The following ADGRB3 variants were observed in gnomAD, a reference collection of about 807,000 sequenced individuals.
ADGRB3 encodes the protein brain-specific angiogenesis inhibitor 3.
A neutral mutation model predicts 193.4 loss-of-function variants in ADGRB3; 37 were observed. The observed-to-expected ratio is 0.19, with a 90% CI of 0.15 to 0.25. The LOEUF is 0.25. Ranked by LOEUF, ADGRB3 falls within the 10% of genes least tolerant of loss-of-function variation. The pLI is 1.00. For synonymous variants in ADGRB3, 690 were observed against 644.2 expected (o/e 1.07, Z -1.08); for missense variants, 1,637 against 1,852.9 (o/e 0.88, Z 2.14).
At chr6:68,921,068 TATCA>T (rs1484255162) in intron 3 of ADGRB3, among the ~76,000 whole-genome samples, 1 of 152,086 alleles carries the variant, frequency 6.6e-6, no homozygotes, top group Admixed American at 6.5e-5. Context: ...TGGCAATTCC[TATCA>T]ATCCAAAAAA....
intron 17 of ADGRB3, among the ~76,000 whole-genome samples, chr6:69,111,129 C>T (rs961093740): frequency 2.0e-5 from 3 of 152,140 alleles, no homozygotes; most frequent in Non-Finnish European, 4.4e-5. Context: ...CATTTAGGGA[C>T]CTTCCAAATA....
At chr6:69,058,112 A>C (rs903925062) in intron 15 of ADGRB3, among the ~76,000 whole-genome samples, 2 of 151,534 alleles carry the variant, frequency 1.3e-5, no homozygotes, top group Admixed American at 1.3e-4. Context: ...CAATCGCTTT[A>C]CTAGTTATGG....
In ADGRB3 at chr6:68,788,125, T is replaced by C. The variant is rs191589862; in HGVS notation, c.758-142434T>C. ...AACCAGCTCCTGGATTCATTAATTTTTTGAAGGGTTTTTTGTGTCTCTATT... is the reference window on the plus strand; with the variant it reads ...AACCAGCTCCTGGATTCATTAATTTCTTGAAGGGTTTTTTGTGTCTCTATT... On this transcript the variant is annotated intron_variant, in intron 3 of 31. Coordinates refer to ENST00000370598, the MANE Select transcript of ADGRB3 (RefSeq NM_001704.3). Among the ~76,000 whole-genome samples the C allele has an allele frequency of 2.5e-3, 386 of 152,354 alleles. 1 individual carries two copies. The highest frequency in any genetic ancestry group is 8.8e-3 in the African/African-American group (367 of 41,584).
At chr6:69,332,650 T>C in intron 23 of ADGRB3, 1 of 985,456 alleles carries the variant, frequency 1.0e-6, no homozygotes. Context: ...TATGGTACCA[T>C]TTAAAATTCA....
At chr6:69,030,956 TTTTTC>T (rs367785089) in intron 13 of ADGRB3, among the ~76,000 whole-genome samples, 3,204 of 72,368 alleles carry the variant, frequency 0.044, 534 homozygotes, top group South Asian at 0.091. Context: ...TTCTTTTCTT[TTTTTC>T]TTTTCTTTTC....
intron 17 of ADGRB3, among the ~76,000 whole-genome samples, chr6:69,202,030 T>C (rs1260214974): frequency 6.6e-6 from 1 of 152,168 alleles, no homozygotes; most frequent in Non-Finnish European, 1.5e-5. Flanking sequence ...TAGGACACCA[T>C]TCCTGCATGC....
chr6:69,067,918 A>C (rs1034260366), intron 16 of ADGRB3, among the ~76,000 whole-genome samples: 2 of 152,126 alleles, frequency 1.3e-5, no homozygotes, highest in African/African-American at 2.4e-5. Flanking sequence ...TGATTGTGCT[A>C]TTGTTGGAGC....
intron 3 of ADGRB3, among the ~76,000 whole-genome samples, chr6:68,904,741 A>T (rs1305354160): frequency 6.6e-6 from 1 of 152,090 alleles, no homozygotes; most frequent in Non-Finnish European, 1.5e-5. Context: ...GTTTCCATGG[A>T]GATGCTTCTA....
At chr6:68,730,670 A>G (rs1284395192) in intron 3 of ADGRB3, among the ~76,000 whole-genome samples, 1 of 151,696 alleles carries the variant, frequency 6.6e-6, no homozygotes, top group Non-Finnish European at 1.5e-5. Context: ...CAGCAGAATA[A>G]AAGGAAACCA....
intron 17 of ADGRB3, among the ~76,000 whole-genome samples, chr6:69,152,589 G>C (rs1030249391): frequency 1.3e-5 from 2 of 152,314 alleles, no homozygotes; most frequent in East Asian, 1.9e-4. Flanking sequence ...TCCCAAGTCA[G>C]TCATAAGGGT....
intron 17 of ADGRB3, among the ~76,000 whole-genome samples, chr6:69,216,395 C>A (rs1000658583): frequency 1.8e-4 from 28 of 152,108 alleles, no homozygotes; most frequent in Non-Finnish European, 2.9e-5. Context: ...CTTTTAACAC[C>A]TTGTTAAGGG....
At chr6:69,312,275 G>T (rs1327273954) in intron 20 of ADGRB3, among the ~76,000 whole-genome samples, 1 of 151,762 alleles carries the variant, frequency 6.6e-6, no homozygotes, top group Non-Finnish European at 1.5e-5. Context: ...CAAGGATGAT[G>T]TCCAAGTTCC....
At chr6:68,828,893 T>A (rs1376097941) in intron 3 of ADGRB3, among the ~76,000 whole-genome samples, 1 of 151,948 alleles carries the variant, frequency 6.6e-6, no homozygotes, top group African/African-American at 2.4e-5. Context: ...ATGACTGGAG[T>A]TTATGAGACA....
chr6:69,020,580 C>T (rs1041857310), intron 13 of ADGRB3, among the ~76,000 whole-genome samples: 1 of 152,002 alleles, frequency 6.6e-6, no homozygotes, highest in African/African-American at 2.4e-5. Context: ...TCGAATGCTG[C>T]AAATAAAGTC....
At chr6:68,962,401 A>G (rs1187341388) in intron 8 of ADGRB3, among the ~76,000 whole-genome samples, 1 of 152,170 alleles carries the variant, frequency 6.6e-6, no homozygotes, top group Non-Finnish European at 1.5e-5. Context: ...TGTATACCAG[A>G]TGCCCATTAT....
At chr6:69,126,137 A>C (rs1221563215) in intron 17 of ADGRB3, among the ~76,000 whole-genome samples, 1 of 152,208 alleles carries the variant, frequency 6.6e-6, no homozygotes, top group Non-Finnish European at 1.5e-5. Context: ...ATAGTATGGT[A>C]CATAATATCA....
chr6:69,022,685 T>C (rs1041262671), intron 13 of ADGRB3, among the ~76,000 whole-genome samples: 28 of 152,130 alleles, frequency 1.8e-4, no homozygotes, highest in African/African-American at 6.5e-4. Flanking sequence ...TAAAATATAC[T>C]CAAAGGATAA....
intron 13 of ADGRB3, among the ~76,000 whole-genome samples, chr6:69,028,395 C>A (rs543202820): frequency 6.6e-6 from 1 of 151,994 alleles, no homozygotes; most frequent in Admixed American, 6.6e-5. Context: ...ATAGAAGTTT[C>A]TTATCTAAGT....
At chr6:69,317,355 A>G (rs1243448454) in intron 20 of ADGRB3, among the ~76,000 whole-genome samples, 8 of 151,306 alleles carry the variant, frequency 5.3e-5, no homozygotes, top group Non-Finnish European at 1.2e-4. Flanking sequence ...TAATACATAC[A>G]CTTGTTCCTG....
Sources: gnomAD v4.1 joint callset for allele counts (sites outside exome capture counted in the v4.1 genomes callset) on GRCh38, gnomAD v4.1.1 for gene constraint, MANE v1.5 for transcripts, NCBI Gene and HGNC (gene_info 2026-07-23, HGNC 2026-07-21) for gene names.